The following CFAP299 variants were observed in gnomAD, a reference collection of about 807,000 sequenced individuals.
The protein encoded by CFAP299 is cilia and flagella associated protein 299.
In CFAP299, 21 loss-of-function variants were observed where a neutral mutation model predicts 27.0. That is an observed-to-expected ratio of 0.78 (90% CI 0.55 to 1.12). The LOEUF (loss-of-function observed/expected upper bound fraction) is 1.12, where lower values mean the gene tolerates loss of function less well. CFAP299 is among the 50% of genes most tolerant of loss of function. The probability of loss-of-function intolerance (pLI) is 0.00; values close to 1 mark genes in which losing one functional copy is unlikely to be tolerated. For synonymous variants in CFAP299, 104 were observed against 98.1 expected (o/e 1.06, Z -0.36); for missense variants, 310 against 276.6 (o/e 1.12, Z -0.86).
At chr4:80,341,661 T>A (rs1490849497) in intron 1 of CFAP299, among the ~76,000 whole-genome samples, 1 of 152,190 alleles carries the variant, frequency 6.6e-6, no homozygotes, top group Non-Finnish European at 1.5e-5. Flanking sequence ...AAAAACCCCA[T>A]TTAAAGTTCA....
intron 2 of CFAP299, among the ~76,000 whole-genome samples, chr4:80,411,471 C>A: frequency 6.6e-6 from 1 of 151,836 alleles, no homozygotes; most frequent in East Asian, 1.9e-4. Context: ...GGAATGTAAA[C>A]AATCTAATTT....
chr4:80,898,243 A>G (rs1322684297), intron 4 of CFAP299, among the ~76,000 whole-genome samples: 1 of 152,052 alleles, frequency 6.6e-6, no homozygotes, highest in Non-Finnish European at 1.5e-5. Flanking sequence ...TTTATTACCA[A>G]TGAAAGTTGG....
chr4:80,569,013 C>T (rs1461274088), intron 2 of CFAP299, among the ~76,000 whole-genome samples: 1 of 152,118 alleles, frequency 6.6e-6, no homozygotes, highest in Non-Finnish European at 1.5e-5. Flanking sequence ...CACATGACCA[C>T]ACTGCCTATC....
intron 3 of CFAP299, among the ~76,000 whole-genome samples, chr4:80,770,724 T>C (rs1726164563): frequency 6.6e-6 from 1 of 152,340 alleles, no homozygotes; most frequent in African/African-American, 2.4e-5. Flanking sequence ...TTTGGAATCA[T>C]AACTAAGGAA....
chr4:80,731,658 C>T (rs1419365974), intron 3 of CFAP299, among the ~76,000 whole-genome samples: 1 of 151,996 alleles, frequency 6.6e-6, no homozygotes, highest in Non-Finnish European at 1.5e-5. Context: ...TTGCCAATGG[C>T]AAGAAAAAAA....
chr4:80,427,420 C>T (rs1347278974), intron 2 of CFAP299, among the ~76,000 whole-genome samples: 1 of 152,158 alleles, frequency 6.6e-6, no homozygotes, highest in East Asian at 1.9e-4. Flanking sequence ...TATAACTAAT[C>T]TTTTCTTACC....
intron 2 of CFAP299, among the ~76,000 whole-genome samples, chr4:80,393,942 A>C (rs1209563419): frequency 6.6e-6 from 1 of 151,986 alleles, no homozygotes; most frequent in African/African-American, 2.4e-5. Flanking sequence ...GAGTGGTGGG[A>C]GGTGATTGGA....
chr4:80,938,693 G>T (rs919112677), intron 4 of CFAP299, among the ~76,000 whole-genome samples: 3 of 152,096 alleles, frequency 2.0e-5, no homozygotes, highest in African/African-American at 7.2e-5. Context: ...CGACTGAGCT[G>T]GCCTCGGCAA....
At chr4:80,688,849 GGA>G (rs1384415580) in intron 3 of CFAP299, among the ~76,000 whole-genome samples, 3 of 151,872 alleles carry the variant, frequency 2.0e-5, no homozygotes, top group Non-Finnish European at 4.4e-5. Context: ...AGTGCTTAAA[GGA>G]GCTGATGGAG....
intron 2 of CFAP299, among the ~76,000 whole-genome samples, chr4:80,390,720 C>CATATATGTAGATATGTATATATGT: frequency 7.2e-6 from 1 of 138,168 alleles, no homozygotes; most frequent in East Asian, 2.1e-4. Flanking sequence ...TGTATACACA[C>CATATATGTAGATATGTATATATGT]ATACATGTAT....
At chr4:80,748,797 C>G (rs1200951428) in intron 3 of CFAP299, among the ~76,000 whole-genome samples, 1 of 152,112 alleles carries the variant, frequency 6.6e-6, no homozygotes, top group Non-Finnish European at 1.5e-5. Context: ...TGGCTTTGCC[C>G]TGACATAAAG....
intron 3 of CFAP299, among the ~76,000 whole-genome samples, chr4:80,860,523 C>T (rs1732260041): frequency 6.6e-6 from 1 of 152,044 alleles, no homozygotes; most frequent in African/African-American, 2.4e-5. Flanking sequence ...TCTGTTTTTT[C>T]CCCATCTTTG....
intron 2 of CFAP299, among the ~76,000 whole-genome samples, chr4:80,452,101 G>A (rs1728931475): frequency 6.6e-6 from 1 of 152,142 alleles, no homozygotes; most frequent in Non-Finnish European, 1.5e-5. Flanking sequence ...ACATTATCCT[G>A]GTAGTGAATG....
intron 2 of CFAP299, among the ~76,000 whole-genome samples, chr4:80,570,805 T>C (rs1307942477): frequency 6.6e-6 from 1 of 152,120 alleles, no homozygotes; most frequent in Non-Finnish European, 1.5e-5. Context: ...TCTAGCAGCA[T>C]ATTTATAATA....
intron 2 of CFAP299, among the ~76,000 whole-genome samples, chr4:80,371,266 A>C (rs977845244): frequency 2.0e-5 from 3 of 152,128 alleles, no homozygotes; most frequent in African/African-American, 7.2e-5. Context: ...AACACATAAA[A>C]TTGTTCAGTC....
At chr4:80,714,176 A>G (rs1722341780) in intron 3 of CFAP299, among the ~76,000 whole-genome samples, 1 of 152,136 alleles carries the variant, frequency 6.6e-6, no homozygotes, top group African/African-American at 2.4e-5. Context: ...TAGTGACTTT[A>G]TAGATCCTCC....
At chr4:80,518,148 A>G (rs1241386819) in intron 2 of CFAP299, among the ~76,000 whole-genome samples, 1 of 152,102 alleles carries the variant, frequency 6.6e-6, no homozygotes, top group Non-Finnish European at 1.5e-5. Context: ...AATCTGAGAG[A>G]TTAAGATTAT....
intron 3 of CFAP299, among the ~76,000 whole-genome samples, chr4:80,799,812 T>TATATATATATCGTATAATATA (rs1553893124): frequency 1.4e-4 from 5 of 36,110 alleles, no homozygotes; most frequent in African/African-American, 6.6e-4. Flanking sequence ...AATATATAAA[T>TATATATATATCGTATAATATA]ATATATATTA....
intron 3 of CFAP299, among the ~76,000 whole-genome samples, chr4:80,856,163 G>A (rs1382493922): frequency 5.9e-5 from 9 of 151,770 alleles, no homozygotes; most frequent in African/African-American, 1.5e-4. Context: ...GCCAGTGATG[G>A]TGAGCATTTT....
Sources: allele counts gnomAD v4.1 joint callset (sites outside exome capture counted in the v4.1 genomes callset), GRCh38; gene constraint gnomAD v4.1.1; transcripts MANE v1.5; gene names NCBI Gene and HGNC (gene_info 2026-07-23, HGNC 2026-07-21).